The following CLVS1 variants were observed in gnomAD, a reference collection of about 807,000 sequenced individuals.
CLVS1 encodes the protein clavesin 1.
CLVS1 carries 10 observed loss-of-function variants against 33.1 expected under a neutral mutation model. The observed-to-expected ratio is 0.30, with a 90% CI of 0.19 to 0.51. The LOEUF (loss-of-function observed/expected upper bound fraction) is 0.51, where lower values mean the gene tolerates loss of function less well. CLVS1 is among the 20% of genes least tolerant of loss of function. The pLI is 0.97. For missense variants in CLVS1, 343 were observed against 433.4 expected (o/e 0.79, Z 1.85); for synonymous variants, 163 against 166.1 (o/e 0.98, Z 0.14).
At chr8:61,161,830 CTA>C (rs1806758151) in intron 2 of CLVS1, among the ~76,000 whole-genome samples, 1 of 152,126 alleles carries the variant, frequency 6.6e-6, no homozygotes, top group Non-Finnish European at 1.5e-5. Context: ...GAGGTGATGG[CTA>C]TGTTGATTAG....
At chr8:61,005,259 A>G in the CLVS1 span, among the ~76,000 whole-genome samples, 1 of 152,226 alleles carries the variant, frequency 6.6e-6, no homozygotes, top group African/African-American at 2.4e-5. Context: ...GTCAGTCTCA[A>G]AATTGATAGA....
intron 1 of CLVS1, 192 bp downstream of exon 1, chr8:61,288,330 G>A (rs1809851165): frequency 8.8e-6 from 4 of 452,096 alleles, no homozygotes; most frequent in Admixed American, 2.4e-5. Context: ...CCTCCTCCCG[G>A]CGCCCGCTCA....
chr8:61,450,265 CTA>C lies in CLVS1; in HGVS notation c.631-3874_631-3873del, dbSNP rs535247047. On this transcript the variant is annotated intron_variant, in intron 3 of 5. Coordinates refer to ENST00000325897, the MANE Select transcript of CLVS1 (RefSeq NM_173519.3). ...TCTTCCTTTGCTGTGGCATTTGAGA[CTA>C]TGAATTAAATGGAACTTTGAATCAA... 3.2e-4 allele frequency among the ~76,000 whole-genome samples: 49 copies of C among 152,218 alleles called. 1 individual carries two copies. The South Asian group carries it at 9.8e-3, about 30-fold the overall frequency.
intron 3 of CLVS1, among the ~76,000 whole-genome samples, chr8:61,405,148 T>C (rs1814938105): frequency 6.6e-6 from 1 of 152,228 alleles, no homozygotes; most frequent in South Asian, 2.1e-4. Context: ...TTAGGCACTA[T>C]CCTAGTCTTG....
chr8:61,467,848 G>A (rs1042086805), intron 5 of CLVS1, among the ~76,000 whole-genome samples: 8 of 152,166 alleles, frequency 5.3e-5, no homozygotes, highest in African/African-American at 1.9e-4. Flanking sequence ...GCTTTTGAAA[G>A]TTTAGATCTG....
intron 2 of CLVS1, among the ~76,000 whole-genome samples, chr8:61,213,814 G>T (rs922107547): frequency 9.2e-5 from 14 of 152,342 alleles, no homozygotes; most frequent in Non-Finnish European, 1.8e-4. Flanking sequence ...CAGGGAATAA[G>T]AGAGATAACC....
At chr8:61,426,233 A>G (rs1276488656) in intron 3 of CLVS1, among the ~76,000 whole-genome samples, 4 of 152,200 alleles carry the variant, frequency 2.6e-5, no homozygotes, top group African/African-American at 9.7e-5. Flanking sequence ...TTACCTTAAT[A>G]TACTCAAGTC....
At chr8:60,974,893 G>A in the CLVS1 span, among the ~76,000 whole-genome samples, 3 of 152,112 alleles carry the variant, frequency 2.0e-5, no homozygotes, top group Non-Finnish European at 4.4e-5. Context: ...TCTCAATCCT[G>A]GCTGCACATG....
intron 2 of CLVS1, among the ~76,000 whole-genome samples, chr8:61,248,918 ACTT>A (rs1316671966): frequency 1.3e-5 from 2 of 151,964 alleles, no homozygotes; most frequent in Non-Finnish European, 2.9e-5. Context: ...TATGAAATGC[ACTT>A]CTTTTTTTTA....
At chr8:61,273,695 G>T (rs1330139563) in intron 2 of CLVS1, among the ~76,000 whole-genome samples, 1 of 152,182 alleles carries the variant, frequency 6.6e-6, no homozygotes, top group Non-Finnish European at 1.5e-5. Flanking sequence ...ATCTCGTGGT[G>T]CGCCGTGTTT....
intron 2 of CLVS1, among the ~76,000 whole-genome samples, chr8:61,217,949 A>G (rs1051309133): frequency 6.6e-6 from 1 of 152,230 alleles, no homozygotes; most frequent in Non-Finnish European, 1.5e-5. Context: ...AAACCACAGT[A>G]AAGTATCATT....
At chr8:61,033,053 AAG>A in the CLVS1 span, among the ~76,000 whole-genome samples, 823 of 91,640 alleles carry the variant, frequency 9.0e-3, 35 homozygotes, top group Middle Eastern at 0.024. Context: ...AAGAAAAAGA[AAG>A]AAAGATAGAA....
In CLVS1 at chr8:61,393,337, G is replaced by T. The variant is rs147059282; in HGVS notation, c.630+16558G>T. Among the ~76,000 whole-genome samples the T allele has an allele frequency of 1.1e-3, 162 of 151,906 alleles. No homozygotes were observed. In the East Asian group the frequency reaches 0.031, roughly 29 times the overall value. On this transcript the variant is annotated intron_variant, in intron 3 of 5. Coordinates refer to ENST00000325897, the MANE Select transcript of CLVS1 (RefSeq NM_173519.3). ...TTAAAAAAAAAATCTCTTTAAGTCG[G>T]TTTTCACCTTTCTCTGGTACCTTCT...
At chr8:61,009,032 A>AT in the CLVS1 span, among the ~76,000 whole-genome samples, 2 of 151,906 alleles carry the variant, frequency 1.3e-5, no homozygotes, top group African/African-American at 4.8e-5. Flanking sequence ...CCCTTTGGTC[A>AT]TTTTTTCTGT....
chr8:60,983,236 G>C, the CLVS1 span, among the ~76,000 whole-genome samples: 1 of 152,218 alleles, frequency 6.6e-6, no homozygotes. Flanking sequence ...AATTCTGAGT[G>C]TGTGTTAGCA....
At chr8:61,215,422 T>A (rs988661184) in intron 2 of CLVS1, among the ~76,000 whole-genome samples, 3 of 152,220 alleles carry the variant, frequency 2.0e-5, no homozygotes, top group Non-Finnish European at 4.4e-5. Flanking sequence ...AAAGTCACTG[T>A]GTACCTGAGC....
At chr8:61,362,919 G>A (rs1358016318) in intron 2 of CLVS1, among the ~76,000 whole-genome samples, 1 of 152,230 alleles carries the variant, frequency 6.6e-6, no homozygotes, top group East Asian at 1.9e-4. Flanking sequence ...ATTTCTGAAT[G>A]TGGGTGAAAG....
chr8:61,440,604 C>G (rs1816503627), intron 3 of CLVS1, among the ~76,000 whole-genome samples: 1 of 152,196 alleles, frequency 6.6e-6, no homozygotes, highest in Non-Finnish European at 1.5e-5. Flanking sequence ...GTTTAGGTTG[C>G]AGCTAGGAAA....
chr8:61,281,018 C>A (rs987540445), intron 2 of CLVS1, among the ~76,000 whole-genome samples: 2 of 152,216 alleles, frequency 1.3e-5, no homozygotes, highest in South Asian at 2.1e-4. Context: ...ATGTACTTTT[C>A]AGTGTTGGAG....
Sources: allele counts gnomAD v4.1 joint callset (sites outside exome capture counted in the v4.1 genomes callset), GRCh38; gene constraint gnomAD v4.1.1; transcripts MANE v1.5; gene names NCBI Gene and HGNC (gene_info 2026-07-23, HGNC 2026-07-21).